Variants in MYO1H observed in about 807,000 individuals in gnomAD.
MYO1H encodes unconventional myosin-Ih.
MYO1H carries 118 observed loss-of-function variants against 149.3 expected under a neutral mutation model. That is an observed-to-expected ratio of 0.79 (90% CI 0.68 to 0.92). The LOEUF is 0.92. MYO1H is among the 40% of genes least tolerant of loss of function. The probability of loss-of-function intolerance (pLI) is 0.00; values close to 1 mark genes in which losing one functional copy is unlikely to be tolerated. For missense variants in MYO1H, 1,212 were observed against 1,280.7 expected (o/e 0.95, Z 0.82); for synonymous variants, 447 against 465.2 (o/e 0.96, Z 0.50).
intron 1 of MYO1H, 21 bp downstream of exon 1, chr12:109,347,993 G>T (rs1868373814): frequency 5.0e-6 from 2 of 399,098 alleles, no homozygotes; most frequent in Admixed American, 4.4e-5. Context: ...TTGAACACTA[G>T]AAGGTGGTTA....
chr12:109,326,486 A>ATATTTTATTTTATTTTATTTTATTT, the MYO1H span, among the ~76,000 whole-genome samples: 52 of 137,452 alleles, frequency 3.8e-4, no homozygotes, highest in Non-Finnish European at 7.1e-4. Flanking sequence ...CCTTTTTTTT[A>ATATTTTATTTTATTTTATTTTATTT]TATTTTATTT....
chr12:109,341,113 G>T, the MYO1H span, among the ~76,000 whole-genome samples: 2 of 151,332 alleles, frequency 1.3e-5, no homozygotes, highest in African/African-American at 4.9e-5. Context: ...GCTTGAATCT[G>T]GGAGGCGGAG....
At chr12:109,442,656 G>C (rs1872190858) in intron 27 of MYO1H, among the ~76,000 whole-genome samples, 1 of 152,124 alleles carries the variant, frequency 6.6e-6, no homozygotes, top group Non-Finnish European at 1.5e-5. Flanking sequence ...TTAAGCTCTT[G>C]GTGCCTCTGA....
chr12:109,342,126 CTTTTTTT>C, the MYO1H span, among the ~76,000 whole-genome samples: 2 of 126,066 alleles, frequency 1.6e-5, no homozygotes, highest in African/African-American at 3.2e-5. Flanking sequence ...AAATTTGATT[CTTTTTTT>C]TTTTTTTTTG....
chr12:109,432,976 A>G (rs765655153), exon 20 of MYO1H: 3 of 1,613,950 alleles, frequency 1.9e-6, no homozygotes, highest in Admixed American at 3.3e-5. Context: ...GATCAAGTAC[A>G]TCGGCTACAA....
At chr12:109,348,527 CT>C (rs1166307662) in intron 1 of MYO1H, among the ~76,000 whole-genome samples, 1 of 152,120 alleles carries the variant, frequency 6.6e-6, no homozygotes, top group Non-Finnish European at 1.5e-5. Flanking sequence ...CCCTAGATAC[CT>C]TGTGTTTCCT....
At chr12:109,431,742 T>C (rs1871629826) in intron 19 of MYO1H, among the ~76,000 whole-genome samples, 1 of 152,194 alleles carries the variant, frequency 6.6e-6, no homozygotes, top group African/African-American at 2.4e-5. Flanking sequence ...AGAAGGGAAC[T>C]GCATGCTGGA....
exon 2 of MYO1H, chr12:109,388,698 A>C: frequency 6.3e-7 from 1 of 1,581,926 alleles, no homozygotes; most frequent in South Asian, 1.1e-5. Context: ...AGACGTGAGG[A>C]GGAAACACAT....
chr12:109,311,653 T>TTTTTG, the MYO1H span, among the ~76,000 whole-genome samples: 16 of 152,190 alleles, frequency 1.1e-4, no homozygotes. Flanking sequence ...ATACCCACCT[T>TTTTTG]TTTTGTTTTG....
the MYO1H span, among the ~76,000 whole-genome samples, chr12:109,335,592 A>T: frequency 1.3e-5 from 2 of 152,064 alleles, no homozygotes; most frequent in African/African-American, 4.8e-5. Flanking sequence ...AAAAAAACTA[A>T]TATTTTGCCA....
intron 30 of MYO1H, among the ~76,000 whole-genome samples, chr12:109,445,223 C>T (rs1204831444): frequency 6.6e-6 from 1 of 152,212 alleles, no homozygotes; most frequent in Non-Finnish European, 1.5e-5. Flanking sequence ...AGGGAATACT[C>T]AGCCCCTCAG....
intron 16 of MYO1H, among the ~76,000 whole-genome samples, chr12:109,424,200 A>G (rs1388565276): frequency 1.3e-5 from 2 of 148,954 alleles, no homozygotes; most frequent in African/African-American, 5.2e-5. Flanking sequence ...TCAGTCTGTC[A>G]CTCAGGCTGG....
chr12:109,405,979 G>A, exon 8 of MYO1H: 1 of 1,613,916 alleles, frequency 6.2e-7, no homozygotes, highest in African/African-American at 1.3e-5. Flanking sequence ...TTTTGAAGAA[G>A]ACGACCAAGG....
chr12:109,447,513 A>G (rs1225884342), exon 32 of MYO1H: 1 of 451,860 alleles, frequency 2.2e-6, no homozygotes, highest in Admixed American at 3.3e-5. Context: ...ACCTCTGTCA[A>G]GCTGCCCTGA....
chr12:109,427,185 G>T (rs538745782), intron 18 of MYO1H, among the ~76,000 whole-genome samples: 3 of 151,924 alleles, frequency 2.0e-5, no homozygotes, highest in Non-Finnish European at 4.4e-5. Flanking sequence ...GCATGGTGGT[G>T]TGCACCTGTA....
exon 25 of MYO1H, chr12:109,440,751 A>T: frequency 6.4e-7 from 1 of 1,561,484 alleles, no homozygotes; most frequent in Non-Finnish European, 8.7e-7. Flanking sequence ...CAGGCATCAG[A>T]TCTGCTCAGG....
At chr12:109,376,541 T>G (rs1385469642) in intron 1 of MYO1H, among the ~76,000 whole-genome samples, 1 of 152,234 alleles carries the variant, frequency 6.6e-6, no homozygotes, top group East Asian at 1.9e-4. Context: ...AGGATGATAT[T>G]TGGAAAAGGC....
chr12:109,326,034 G>A, the MYO1H span, among the ~76,000 whole-genome samples: 1 of 152,130 alleles, frequency 6.6e-6, no homozygotes, highest in African/African-American at 2.4e-5. Context: ...GCAGTTCTTC[G>A]GTATTGGGTA....
At chr12:109,435,066 C>T (rs1871800058) in exon 21 of MYO1H, 2 of 1,609,310 alleles carry the variant, frequency 1.2e-6, no homozygotes, top group African/African-American at 1.3e-5. Flanking sequence ...TTCCCCAGAA[C>T]TCTGTTTGCT....
Sources: allele counts gnomAD v4.1 joint callset (sites outside exome capture counted in the v4.1 genomes callset), GRCh38; gene constraint gnomAD v4.1.1; transcripts MANE v1.5; gene names NCBI Gene and HGNC (gene_info 2026-07-23, HGNC 2026-07-21).